ZNF682: variants seen among roughly 807,000 people sequenced by gnomAD.
The protein encoded by ZNF682 is zinc finger protein 682.
ZNF682 carries 29 observed loss-of-function variants against 36.5 expected under a neutral mutation model. The observed-to-expected ratio is 0.80, with a 90% confidence interval of 0.59 to 1.08. The LOEUF (loss-of-function observed/expected upper bound fraction) is 1.08, where lower values mean the gene tolerates loss of function less well. ZNF682 is among the 50% of genes least tolerant of loss of function. The pLI is 0.00. For synonymous variants in ZNF682, 180 were observed against 197.0 expected (o/e 0.91, Z 0.72); for missense variants, 561 against 579.7 (o/e 0.97, Z 0.33).
chr19:20,010,549 C>A (rs1336842009), intron 3 of ZNF682, among the ~76,000 whole-genome samples: 1 of 152,024 alleles, frequency 6.6e-6, no homozygotes, highest in African/African-American at 2.4e-5. Context: ...GTCCCAGGTA[C>A]TCGGGAGGCT....
chr19:20,020,239 C>T (rs1177134919), intron 3 of ZNF682, among the ~76,000 whole-genome samples: 3 of 151,988 alleles, frequency 2.0e-5, no homozygotes, highest in East Asian at 1.9e-4. Context: ...GGCTCACACC[C>T]GTAATACCAG....
At chr19:19,999,169 C>A (rs1395105849) in intron 3 of ZNF682, among the ~76,000 whole-genome samples, 1 of 152,158 alleles carries the variant, frequency 6.6e-6, no homozygotes, top group Non-Finnish European at 1.5e-5. Flanking sequence ...TCCCACATTT[C>A]CAACCCCTAC....
intron 3 of ZNF682, chr19:20,015,217 T>G: frequency 1.0e-6 from 1 of 985,324 alleles, no homozygotes; most frequent in Non-Finnish European, 1.2e-6. Context: ...AAAATATACA[T>G]CCACCAATGA....
At chr19:20,026,655 A>G (rs1423382563) in intron 1 of ZNF682, among the ~76,000 whole-genome samples, 1 of 152,028 alleles carries the variant, frequency 6.6e-6, no homozygotes, top group Non-Finnish European at 1.5e-5. Flanking sequence ...TAGTAGATAC[A>G]GGGTTTTGCC....
At chr19:20,027,954 T>C (rs984344856) in intron 1 of ZNF682, among the ~76,000 whole-genome samples, 1 of 152,062 alleles carries the variant, frequency 6.6e-6, no homozygotes, top group Non-Finnish European at 1.5e-5. Flanking sequence ...TTCTCACTTA[T>C]GTCTGGGAGC....
At chr19:20,019,439 C>T (rs1168540175) in intron 3 of ZNF682, among the ~76,000 whole-genome samples, 1 of 151,962 alleles carries the variant, frequency 6.6e-6, no homozygotes, top group Non-Finnish European at 1.5e-5. Flanking sequence ...AGGTATGACA[C>T]CAAAAGCACA....
At chr19:20,020,293 C>T (rs1310147808) in intron 3 of ZNF682, among the ~76,000 whole-genome samples, 6 of 152,094 alleles carry the variant, frequency 3.9e-5, no homozygotes, top group South Asian at 2.1e-4. Context: ...GTCAGGAGTT[C>T]GAGACCAGCC....
At chr19:20,014,742 T>C (rs2088320486) in intron 3 of ZNF682, among the ~76,000 whole-genome samples, 2 of 147,286 alleles carry the variant, frequency 1.4e-5, no homozygotes, top group Admixed American at 6.9e-5. Flanking sequence ...ATTGCGCCAC[T>C]GCATTCCAGC....
rs774072615 is a variant in ZNF682 at position 20,006,700 on chromosome 19, A to G, written c.802T>C (p.Trp268Arg). The G allele has an allele frequency of 6.2e-7, 1 of 1,613,642 alleles. No homozygotes were observed. Among genetic ancestry groups the G allele is most frequent in the Non-Finnish European group, 8.5e-7 (1 of 1,179,874 alleles). The change falls in exon 4 of 4, where the codon TGG becomes CGG. Residue 268 changes from tryptophan (W) to arginine (R), a missense_variant. Transcript: ENST00000397165. ...TTATGTCTAACAAAGGGTGAACACCAGTGAAAGGCTTTTCCACATTCTTCA... is the reference window on the plus strand; with the variant it reads ...TTATGTCTAACAAAGGGTGAACACCGGTGAAAGGCTTTTCCACATTCTTCA... ...KCEECGKAFH[W>R]CSPFVRHKKI... is the part of the protein sequence containing the mutation.
At chr19:20,031,185 C>T (rs2088476691) in intron 1 of ZNF682, 1 of 152,228 alleles carries the variant, frequency 6.6e-6, no homozygotes, top group Admixed American at 6.5e-5. Context: ...GTGATATCAC[C>T]TGTCCTTAAT....
At chr19:19,999,508 T>C (rs898577565), downstream of ZNF682, among the ~76,000 whole-genome samples, 4 of 152,168 alleles carry the variant, frequency 2.6e-5, no homozygotes, top group Non-Finnish European at 5.9e-5. Flanking sequence ...AGGACCCAAA[T>C]TATCATTGCA....
intron 1 of ZNF682, 26 bp downstream of exon 1, chr19:20,039,317 C>T (rs1400648327): frequency 1.2e-6 from 2 of 1,611,858 alleles, no homozygotes; most frequent in Admixed American, 1.7e-5. Flanking sequence ...GCCCCCACCT[C>T]GGGATGCGCG....
intron 1 of ZNF682, among the ~76,000 whole-genome samples, chr19:20,038,314 C>A (rs978664469): frequency 6.6e-6 from 1 of 151,892 alleles, no homozygotes; most frequent in Non-Finnish European, 1.5e-5. Flanking sequence ...AAAGTGCCAT[C>A]CGCTGCTCTT....
intron 3 of ZNF682, among the ~76,000 whole-genome samples, chr19:20,012,146 A>G (rs926649292): frequency 6.6e-6 from 1 of 152,244 alleles, no homozygotes; most frequent in Non-Finnish European, 1.5e-5. Flanking sequence ...ATAGATCTCA[A>G]GTTAACAACC....
At chr19:20,008,032 T>C (rs1367840205) in intron 3 of ZNF682, 1 of 152,388 alleles carries the variant, frequency 6.6e-6, no homozygotes, top group Non-Finnish European at 1.5e-5. Context: ...CATCCACTTA[T>C]ATCACAGATG....
downstream of ZNF682, among the ~76,000 whole-genome samples, chr19:19,999,697 G>C (rs776387905): frequency 6.6e-6 from 1 of 152,078 alleles, no homozygotes; most frequent in Non-Finnish European, 1.5e-5. Context: ...ACCATACCTG[G>C]TTAACTTTTG....
At position 20,006,228 on chromosome 19, in the gene ZNF682, T is replaced by C; in HGVS notation, c.1274A>G (p.Tyr425Cys). The change falls in exon 4 of 4, where the codon TAC becomes TGC. Residue 425 changes from tyrosine to cysteine, a missense_variant. Tyr to Cys is a radical substitution (Grantham distance 194, BLOSUM62 -2). Transcript: ENST00000397165. ...HKRIHTGEKP[Y>C]NCEECGKAFN... ...GGCTTTTCCACATTCTTCACAGTTG[T>C]AGGGTTTCTCTCCAGTATGAATTCT... 6.2e-7 allele frequency: 1 copy of C among 1,613,942 alleles called. No homozygotes were observed. The highest frequency in any genetic ancestry group is 8.5e-7 in the Non-Finnish European group (1 of 1,179,960).
chr19:20,006,174 T>G lies in ZNF682; in HGVS notation c.1328A>C (p.His443Pro). Residue 443 changes from histidine (H) to proline (P), a missense_variant, in exon 4 of 4, where the codon CAT becomes CCT. His to Pro is a moderately conservative substitution (Grantham distance 77). Coordinates refer to ENST00000397165, the MANE Select transcript of ZNF682 (RefSeq NM_033196.3). The stretch of plus-strand genomic sequence containing the variant: ...TTTGACGGCAGTATGAATTTTCTTA[T>G]GTCTAGTAAGGTGTGAGCACCGATT... ...AFNRCSHLTR[H>P]KKIHTAVKRY... 1 of 1,613,164 alleles carries G rather than the reference T, an allele frequency of 6.2e-7. No individual in the cohort carries two copies. The highest frequency in any genetic ancestry group is 8.5e-7 in the Non-Finnish European group (1 of 1,179,228).
intron 3 of ZNF682, chr19:19,997,298 C>T: frequency 2.5e-6 from 1 of 398,624 alleles, no homozygotes; most frequent in East Asian, 3.6e-5. Flanking sequence ...CCATCTCAGC[C>T]TAGCATAGAC....
Sources: gnomAD v4.1 joint callset for allele counts (sites outside exome capture counted in the v4.1 genomes callset) on GRCh38, gnomAD v4.1.1 for gene constraint, MANE v1.5 for transcripts, NCBI Gene and HGNC (gene_info 2026-07-23, HGNC 2026-07-21) for gene names.